DACH2: variants seen among roughly 807,000 people sequenced by gnomAD.
The protein encoded by DACH2 is dachshund homolog 2.
A neutral mutation model predicts 35.8 loss-of-function variants in DACH2; 17 were observed. That is an observed-to-expected ratio of 0.48 (90% confidence interval 0.33 to 0.71). The LOEUF is 0.71. DACH2 is among the 30% of genes least tolerant of loss of function. The pLI, the probability that DACH2 is intolerant of heterozygous loss-of-function variation, is 0.02. For synonymous variants in DACH2, 195 were observed against 177.3 expected (o/e 1.10, Z -0.79); for missense variants, 469 against 472.7 (o/e 0.99, Z 0.07).
At chrX:86,427,435 T>C (rs913620122) in intron 2 of DACH2, among the ~76,000 whole-genome samples, 1 of 111,378 alleles carries the variant, frequency 9.0e-6, no homozygotes, top group African/African-American at 3.2e-5. Flanking sequence ...TTCTATGAAA[T>C]AAATTTGTTC....
At chrX:86,403,999 C>T (rs1443671904) in intron 2 of DACH2, among the ~76,000 whole-genome samples, 1 of 108,548 alleles carries the variant, frequency 9.2e-6, no homozygotes, top group Admixed American at 9.8e-5. Flanking sequence ...TTTTTTAAAG[C>T]ACCAGATCTC....
chrX:86,416,592 T>C (rs2036707033), intron 2 of DACH2, among the ~76,000 whole-genome samples: 1 of 111,421 alleles, frequency 9.0e-6, no homozygotes, highest in African/African-American at 3.3e-5. Flanking sequence ...TCTTAGTCCA[T>C]TTTGCATTGC....
chrX:86,192,459 T>G (rs908108302), intron 1 of DACH2, among the ~76,000 whole-genome samples: 3 of 112,108 alleles, frequency 2.7e-5, no homozygotes, highest in African/African-American at 9.7e-5. Flanking sequence ...TTAGCATGAC[T>G]TTAGTGTATG....
rs1166249556 is a variant in DACH2 at position 86,326,490 on chromosome X, C to G, written c.489-50334C>G. Among the ~76,000 whole-genome samples the G allele has an allele frequency of 1.5e-3, 126 of 84,502 alleles. 1 individual carries two copies. The highest frequency in any genetic ancestry group is 2.5e-3 in the Non-Finnish European group (102 of 40,184). 73.4% of individuals were successfully genotyped at this position (84,502 alleles called of 115,157 possible). Reference sequence around the variant, plus strand: ...TGTAAAAGTTAAAAAATTATACATACACACACACACACACACACACACATA... The same window carrying G: ...TGTAAAAGTTAAAAAATTATACATAGACACACACACACACACACACACATA... On this transcript the variant is annotated intron_variant, in intron 1 of 11. Coordinates refer to ENST00000373125, the MANE Select transcript of DACH2 (RefSeq NM_053281.3).
chrX:86,690,394 AAATACTGC>A (rs2040995980), intron 4 of DACH2, among the ~76,000 whole-genome samples: 1 of 111,612 alleles, frequency 9.0e-6, no homozygotes, highest in South Asian at 3.7e-4. Flanking sequence ...TAAAACATTA[AAATACTGC>A]TTTGGGTCCC....
intron 2 of DACH2, among the ~76,000 whole-genome samples, chrX:86,452,878 C>T (rs1443913392): frequency 9.0e-6 from 1 of 111,024 alleles, no homozygotes; most frequent in Non-Finnish European, 1.9e-5. Context: ...TCTGTTTGCT[C>T]TAGTTCTCTA....
At chrX:86,294,445 A>G (rs1467720747) in intron 1 of DACH2, among the ~76,000 whole-genome samples, 1 of 110,607 alleles carries the variant, frequency 9.0e-6, no homozygotes, top group Non-Finnish European at 1.9e-5. Context: ...TTATCCATCC[A>G]GCTTTGTTCC....
rs767880293 is a variant in DACH2, at chrX:86,320,311, G to A, written c.489-56513G>A. Among the ~76,000 whole-genome samples, 9 of 112,265 alleles carry A rather than the reference G, an allele frequency of 8.0e-5. No homozygotes were observed. In the East Asian group the frequency reaches 2.5e-3, roughly 32 times the overall value. On this transcript the variant is annotated intron_variant, in intron 1 of 11. Transcript: ENST00000373125. Reference sequence around the variant, plus strand: ...GGATATCCACTTTCAATTAAGCTGAGCGCTCTTTAAGAAAATCCTTTTTCA... The same window carrying A: ...GGATATCCACTTTCAATTAAGCTGAACGCTCTTTAAGAAAATCCTTTTTCA...
chrX:86,298,056 G>A (rs1267660889), intron 1 of DACH2, among the ~76,000 whole-genome samples: 1 of 111,760 alleles, frequency 8.9e-6, no homozygotes, highest in Non-Finnish European at 1.9e-5. Context: ...TAAATGAATT[G>A]GTTTCCATGT....
At chrX:86,584,108 T>A (rs900829203) in intron 3 of DACH2, among the ~76,000 whole-genome samples, 16 of 111,502 alleles carry the variant, frequency 1.4e-4, no homozygotes, top group African/African-American at 5.2e-4. Flanking sequence ...TCAATTTCTT[T>A]GTTTCAAATT....
At chrX:86,664,344 G>A (rs1210788501) in intron 4 of DACH2, among the ~76,000 whole-genome samples, 1 of 111,576 alleles carries the variant, frequency 9.0e-6, no homozygotes, top group Non-Finnish European at 1.9e-5. Flanking sequence ...AATGTTTTGA[G>A]TGTAGAACTT....
At chrX:86,236,991 C>T (rs903302494) in intron 1 of DACH2, among the ~76,000 whole-genome samples, 18 of 112,480 alleles carry the variant, frequency 1.6e-4, no homozygotes, top group Admixed American at 1.6e-3. Flanking sequence ...CCACATTGTA[C>T]AATTGTACAA....
At chrX:86,595,666 C>T (rs374317865) in intron 3 of DACH2, among the ~76,000 whole-genome samples, 56 of 109,143 alleles carry the variant, frequency 5.1e-4, no homozygotes, top group African/African-American at 1.3e-3. Flanking sequence ...ATTCATTGCC[C>T]TTTGTCTTTC....
intron 1 of DACH2, among the ~76,000 whole-genome samples, chrX:86,187,553 G>A (rs1000421847): frequency 9.2e-6 from 1 of 108,988 alleles, no homozygotes; most frequent in African/African-American, 3.4e-5. Context: ...GAGTAGCTGG[G>A]GGTACAGGTG....
chrX:86,254,561 G>C (rs190192312), intron 1 of DACH2, among the ~76,000 whole-genome samples: 1 of 107,130 alleles, frequency 9.3e-6, no homozygotes, highest in Admixed American at 1.0e-4. Context: ...TTTAATTAAA[G>C]GATCCTTGCA....
At chrX:86,177,209 A>G (rs2031331384) in intron 1 of DACH2, among the ~76,000 whole-genome samples, 1 of 112,350 alleles carries the variant, frequency 8.9e-6, no homozygotes. Context: ...GCACATAACT[A>G]TCTTATAAAG....
At chrX:86,258,055 A>G (rs2033557992) in intron 1 of DACH2, among the ~76,000 whole-genome samples, 1 of 111,981 alleles carries the variant, frequency 8.9e-6, no homozygotes, top group Non-Finnish European at 1.9e-5. Context: ...GGTTATTAGG[A>G]CAATCAGGCA....
intron 1 of DACH2, among the ~76,000 whole-genome samples, chrX:86,328,451 A>G (rs1174699302): frequency 2.7e-5 from 3 of 112,018 alleles, no homozygotes; most frequent in African/African-American, 9.7e-5. Flanking sequence ...TCAAGTAACA[A>G]TTCTAAGAAA....
At chrX:86,577,543 T>A (rs2039450612) in intron 3 of DACH2, among the ~76,000 whole-genome samples, 1 of 111,749 alleles carries the variant, frequency 8.9e-6, no homozygotes, top group Non-Finnish European at 1.9e-5. Flanking sequence ...TCCTCTATAC[T>A]TTTGTGATAT....
Sources: gnomAD v4.1 joint callset for allele counts (sites outside exome capture counted in the v4.1 genomes callset) on GRCh38, gnomAD v4.1.1 for gene constraint, MANE v1.5 for transcripts, NCBI Gene and HGNC (gene_info 2026-07-23, HGNC 2026-07-21) for gene names.